The following EXD1 variants were observed in gnomAD, a reference collection of about 807,000 sequenced individuals.
EXD1 encodes exonuclease 3'-5' domain containing 1, also known as piRNA biogenesis protein EXD1.
In EXD1, 63 loss-of-function variants were observed where a neutral mutation model predicts 49.1. The ratio of observed to expected loss-of-function variants is 1.28; its 90% CI spans 1.05 to 1.58. EXD1 has a LOEUF of 1.58. Among genes scored for constraint, EXD1 ranks in the 40% most tolerant of loss-of-function variants. The pLI is 0.00. For missense variants in EXD1, 748 were observed against 666.0 expected (o/e 1.12, Z -1.36); for synonymous variants, 234 against 239.2 (o/e 0.98, Z 0.20).
intron 11 of EXD1, among the ~76,000 whole-genome samples, chr15:41,188,669 G>A (rs561204408): frequency 1.4e-4 from 22 of 151,888 alleles, no homozygotes; most frequent in Non-Finnish European, 2.9e-4. Flanking sequence ...TGGGATTACA[G>A]GTATGAGCCA....
intron 1 of EXD1, among the ~76,000 whole-genome samples, chr15:41,229,173 G>A (rs746510476): frequency 6.6e-6 from 1 of 152,106 alleles, no homozygotes; most frequent in East Asian, 1.9e-4. Context: ...ACAAGTGCAC[G>A]ACAATCATAA....
At position 41,184,475 on chromosome 15, in the gene EXD1, A is replaced by T. The variant is rs2046373620; in HGVS notation, c.1175T>A (p.Val392Glu). The T allele has an allele frequency of 4.3e-6, 7 of 1,613,994 alleles. No homozygotes were observed. Among genetic ancestry groups the T allele is most frequent in the Non-Finnish European group, 5.9e-6 (7 of 1,180,034 alleles). ...TGTCACTAATTTCTTTGGCTGTAGCACTGTCCTTATCAGGAGTCCCTGTGC... is the reference window on the plus strand; with the variant it reads ...TGTCACTAATTTCTTTGGCTGTAGCTCTGTCCTTATCAGGAGTCCCTGTGC... ...VNAQGLLIRTVLQPKKLVTET... is the reference protein window; with the variant it reads ...VNAQGLLIRTELQPKKLVTET... The change falls in exon 12 of 12, where the codon GTG becomes GAG. Residue 392 changes from valine (V) to glutamate (E), a missense_variant. Coordinates refer to ENST00000458580, the MANE Select transcript of EXD1 (RefSeq NM_001286441.2).
At chr15:41,203,831 C>A (rs994642172) in intron 7 of EXD1, among the ~76,000 whole-genome samples, 1 of 134,862 alleles carries the variant, frequency 7.4e-6, no homozygotes, top group African/African-American at 2.9e-5. Flanking sequence ...ACAGGAGAAT[C>A]GCTTGAAACC....
At chr15:41,226,367 A>T (rs2047164547) in intron 2 of EXD1, 76 bp downstream of exon 2, 4 of 1,375,472 alleles carry the variant, frequency 2.9e-6, no homozygotes, top group Non-Finnish European at 4.0e-6. Flanking sequence ...CCACCCTCCC[A>T]ATCACTAATG....
intron 11 of EXD1, among the ~76,000 whole-genome samples, chr15:41,188,341 C>T (rs1281455561): frequency 6.6e-6 from 1 of 150,582 alleles, no homozygotes; most frequent in Non-Finnish European, 1.5e-5. Flanking sequence ...CTTCCCCCTC[C>T]CCTTGTCCCC....
intron 7 of EXD1, among the ~76,000 whole-genome samples, chr15:41,201,674 G>A (rs1399950557): frequency 6.6e-6 from 1 of 151,764 alleles, no homozygotes; most frequent in African/African-American, 2.4e-5. Flanking sequence ...ATTTTTAGTA[G>A]AGACAGGGTT....
chr15:41,195,236 A>G (rs1566977688), intron 9 of EXD1, among the ~76,000 whole-genome samples: 1 of 152,104 alleles, frequency 6.6e-6, no homozygotes, highest in South Asian at 2.1e-4. Context: ...AATAATAACA[A>G]CAACAATAAT....
In EXD1 at chr15:41,216,811, A is replaced by G; in HGVS notation, c.261-16T>C. ...TGCATGTAGACTATCCTTACAAGAA[A>G]CAATATTTGGGTGAACTTGTTCTTT... On this transcript the variant is annotated splice_polypyrimidine_tract_variant and intron_variant, in intron 4 of 11. Transcript: ENST00000458580. 1 of 1,611,154 alleles carries G rather than the reference A, an allele frequency of 6.2e-7. No individual in the cohort carries two copies. The highest frequency in any genetic ancestry group is 8.5e-7 in the Non-Finnish European group (1 of 1,179,480).
chr15:41,190,248 G>A (rs2046490188), intron 10 of EXD1, 120 bp from the exon 11 acceptor site: 1 of 1,042,972 alleles, frequency 9.6e-7, no homozygotes, highest in Non-Finnish European at 1.4e-6. Context: ...GCTGAGGCAG[G>A]CGGATCACAA....
rs1377725316 is a variant in EXD1, at chr15:41,183,729, A to T, written c.*202T>A. 2 of 504,344 alleles carry T rather than the reference A, an allele frequency of 4.0e-6. No homozygotes were observed. The highest frequency in any genetic ancestry group is 3.9e-5 in the African/African-American group (2 of 51,200). 31.2% of individuals were successfully genotyped at this position (504,344 alleles called of 1,614,324 possible). On this transcript the variant is annotated 3_prime_UTR_variant, in exon 12 of 12. Coordinates refer to ENST00000458580, the MANE Select transcript of EXD1 (RefSeq NM_001286441.2). ...CATTTCTACACAGTGACATAATCAG[A>T]AATTATACTTCTTCCATTATTTAAC...
At chr15:41,230,430 A>C in intron 1 of EXD1, 49 bp downstream of exon 1, 1 of 1,586,750 alleles carries the variant, frequency 6.3e-7, no homozygotes, top group Non-Finnish European at 8.7e-7. Context: ...TAAAATGCAA[A>C]ATTTCTCATT....
At chr15:41,194,862 C>T (rs1170003963) in intron 9 of EXD1, among the ~76,000 whole-genome samples, 1 of 152,148 alleles carries the variant, frequency 6.6e-6, no homozygotes, top group Non-Finnish European at 1.5e-5. Context: ...GCAGCAAATA[C>T]ATTATAAGTA....
intron 11 of EXD1, among the ~76,000 whole-genome samples, chr15:41,189,544 T>A (rs1348638883): frequency 6.6e-6 from 1 of 150,910 alleles, no homozygotes; most frequent in Non-Finnish European, 1.5e-5. Context: ...ATGCCTGTAA[T>A]CCCAGTTACT....
At chr15:41,187,737 G>A (rs539496907) in intron 11 of EXD1, among the ~76,000 whole-genome samples, 68 of 152,036 alleles carry the variant, frequency 4.5e-4, no homozygotes, top group Non-Finnish European at 8.5e-4. Context: ...GTATTAGGCC[G>A]GGTGCAGTGG....
At chr15:41,197,464 T>C (rs866269312) in intron 7 of EXD1, among the ~76,000 whole-genome samples, 16 of 150,886 alleles carry the variant, frequency 1.1e-4, no homozygotes, top group Middle Eastern at 3.5e-3. Flanking sequence ...CTCGATCTCC[T>C]GACCTCCACC....
At chr15:41,227,353 C>T (rs2047178273) in intron 1 of EXD1, among the ~76,000 whole-genome samples, 1 of 152,054 alleles carries the variant, frequency 6.6e-6, no homozygotes, top group African/African-American at 2.4e-5. Flanking sequence ...TATGACAGTT[C>T]TACGCTAAAG....
Position 41,182,818 on chromosome 15 carries a change from G to A in EXD1, c.*1113C>T, listed in dbSNP as rs768159019. ...TTGCAAGCATTCAATACTTTAAAAG[G>A]CTCAATACAAGCTGCCTTCCTTTCA... On this transcript the variant is annotated 3_prime_UTR_variant, in exon 12 of 12. Coordinates refer to ENST00000458580, the MANE Select transcript of EXD1 (RefSeq NM_001286441.2). 5 of 152,076 alleles carry A rather than the reference G, an allele frequency of 3.3e-5. No individual in the cohort carries two copies. The highest frequency in any genetic ancestry group is 5.9e-5 in the Non-Finnish European group (4 of 68,026). 9.4% of individuals were successfully genotyped at this position (152,076 alleles called of 1,614,324 possible). A position where few individuals can be genotyped will look rare whatever the true frequency, so the allele number is the denominator to read the frequency against.
chr15:41,196,018 AC>A lies in EXD1; in HGVS notation c.553del (p.Val185PhefsTer20), dbSNP rs2046607453. The A allele has an allele frequency of 4.3e-6, 7 of 1,612,792 alleles. No homozygotes were observed. The highest frequency in any genetic ancestry group is 4.0e-5 in the African/African-American group (3 of 74,920). On this transcript the variant is annotated frameshift_variant, in exon 8 of 12. Coordinates refer to ENST00000458580, the MANE Select transcript of EXD1 (RefSeq NM_001286441.2). LOFTEE classifies it high-confidence loss of function. ...CWLQVATNCR[V>X]YLFDIFLLGS... ...CAGAAGGAAAATGTCAAATAAGTAA[AC>A]TCGGCAATTTGTGGCCACCTACAAT...
chr15:41,220,656 A>G (rs1340959340), intron 2 of EXD1, among the ~76,000 whole-genome samples: 2 of 152,168 alleles, frequency 1.3e-5, no homozygotes, highest in Non-Finnish European at 2.9e-5. Flanking sequence ...TGGCTCTCCT[A>G]TGAGGAGATA....
Sources: gnomAD v4.1 joint callset for allele counts (sites outside exome capture counted in the v4.1 genomes callset) on GRCh38, gnomAD v4.1.1 for gene constraint, MANE v1.5 for transcripts, NCBI Gene and HGNC (gene_info 2026-07-23, HGNC 2026-07-21) for gene names.